WRN: variants seen among roughly 807,000 people sequenced by gnomAD.
The protein encoded by WRN is WRN RecQ like helicase.
Under a neutral mutation model 180.7 loss-of-function variants are expected in WRN, and 149 were observed. That is an observed-to-expected ratio of 0.82 (90% CI 0.72 to 0.94). The LOEUF is 0.94. WRN is among the 40% of genes least tolerant of loss of function. WRN has a pLI of 0.00. For synonymous variants in WRN, 548 were observed against 568.9 expected (o/e 0.96, Z 0.52); for missense variants, 1,661 against 1,700.1 (o/e 0.98, Z 0.40).
Position 31,147,408 on chromosome 8 carries a change from C to T in WRN, c.3504C>T (p.Ala1168=), listed in dbSNP as rs1212981610. The stretch of plus-strand genomic sequence containing the variant: ...TGGTAGAAGCTAGGCAGAAACATGC[C>T]AATAAAATGGATGTTCCCCCAGCTA... ...GKLVEARQKH[A]NKMDVPPAIL... The change falls in exon 30 of 35, where the codon GCC becomes GCT. Residue 1168 remains alanine, a synonymous_variant. Transcript: ENST00000298139. 1.2e-6 allele frequency: 2 copies of T among 1,613,964 alleles called. No individual in the cohort carries two copies. The highest frequency in any genetic ancestry group is 4.5e-5 in the East Asian group (2 of 44,836).
At chr8:31,084,264 G>T (rs1813436180) in intron 10 of WRN, among the ~76,000 whole-genome samples, 1 of 152,166 alleles carries the variant, frequency 6.6e-6, no homozygotes, top group Non-Finnish European at 1.5e-5. Flanking sequence ...CTCCCAAAGT[G>T]CTGGGATTAC....
chr8:31,091,981 T>C, intron 16 of WRN, 83 bp downstream of exon 16: 1 of 1,268,702 alleles, frequency 7.9e-7, no homozygotes, highest in Non-Finnish European at 1.1e-6. Context: ...AATTACATGT[T>C]GCTGAGGAAG....
At chr8:31,103,814 A>G (rs923610422) in intron 18 of WRN, among the ~76,000 whole-genome samples, 3 of 152,022 alleles carry the variant, frequency 2.0e-5, no homozygotes, top group Non-Finnish European at 2.9e-5. Flanking sequence ...GGCTCGCTGC[A>G]AGCTCCGCCT....
In WRN at chr8:31,174,742, T is replaced by C. The variant is rs114514633; in HGVS notation, c.*1640T>C. On this transcript the variant is annotated 3_prime_UTR_variant, in exon 35 of 35. Coordinates refer to ENST00000298139, the MANE Select transcript of WRN (RefSeq NM_000553.6). ...TTCCTTCCTTCCTCCTCCTCCTCCT[T>C]CTTCTTCCTCTTCCTCTTCTTCTTT... Among the ~76,000 whole-genome samples, 2,043 of 149,418 alleles carry C rather than the reference T, an allele frequency of 0.014. 30 individuals carry two copies. Among genetic ancestry groups the C allele is most frequent in the African/African-American group, 0.045 (1,823 of 40,700 alleles).
chr8:31,085,130 A>G (rs1005768232), intron 10 of WRN, 36 bp from the exon 11 acceptor site: 2 of 1,605,156 alleles, frequency 1.2e-6, no homozygotes, highest in African/African-American at 2.7e-5. Context: ...GAAGTCAATT[A>G]TATTGGAAAT....
rs530015250 is a variant in WRN, at chr8:31,166,727, A to G, written c.3983-295A>G. Among the ~76,000 whole-genome samples the G allele has an allele frequency of 2.6e-5, 4 of 152,274 alleles. No individual in the cohort carries two copies. The East Asian group carries it at 7.7e-4, about 29-fold the overall frequency. On this transcript the variant is annotated intron_variant, in intron 33 of 34. Transcript: ENST00000298139. Reference sequence around the variant, plus strand: ...AATTTCCTTTAGAACAATTCCACGAATGGTTGTTTTGATTCTCAAGGCAGC... The same window carrying G: ...AATTTCCTTTAGAACAATTCCACGAGTGGTTGTTTTGATTCTCAAGGCAGC...
At chr8:31,125,108 AAAC>A (rs1225532572) in intron 23 of WRN, 108 bp downstream of exon 23, 17 of 1,076,696 alleles carry the variant, frequency 1.6e-5, no homozygotes, top group Non-Finnish European at 2.3e-5. Context: ...TTTTTAAACA[AAAC>A]AATGAATGTG....
chr8:31,137,889 AG>A (rs1802461284), intron 24 of WRN, among the ~76,000 whole-genome samples: 2 of 152,148 alleles, frequency 1.3e-5, no homozygotes, highest in Admixed American at 6.5e-5. Flanking sequence ...TCTCAACCCC[AG>A]GAGTTCAAGA....
At chr8:31,043,881 A>C (rs1811747651) in intron 1 of WRN, among the ~76,000 whole-genome samples, 1 of 152,192 alleles carries the variant, frequency 6.6e-6, no homozygotes, top group African/African-American at 2.4e-5. Flanking sequence ...TGAGTCATTG[A>C]AGTACAGTAG....
At position 31,068,392 on chromosome 8, in the gene WRN, C is replaced by A. The variant is rs1364310145; in HGVS notation, c.724+65C>A. The A allele has an allele frequency of 9.9e-6, 13 of 1,318,328 alleles. No individual in the cohort carries two copies. In the Admixed American group the frequency reaches 1.9e-4, roughly 19 times the overall value. The allele number at this position is 1,318,328 out of a possible 1,614,324, so 81.7% of individuals were successfully genotyped here. On this transcript the variant is annotated intron_variant, in intron 7 of 34. Transcript: ENST00000298139. ...TTGTGAGGTTTATCTCCAAAAAAGGCAATATTCACATATTTGCAAAGCATT... is the reference window on the plus strand; with the variant it reads ...TTGTGAGGTTTATCTCCAAAAAAGGAAATATTCACATATTTGCAAAGCATT...
chr8:31,085,698 G>T (rs1424240691), intron 11 of WRN, among the ~76,000 whole-genome samples: 1 of 152,026 alleles, frequency 6.6e-6, no homozygotes, highest in Admixed American at 6.6e-5. Flanking sequence ...TTAAACTCCT[G>T]GGCTCAAGTG....
At chr8:31,075,839 A>G (rs1471560572) in intron 7 of WRN, among the ~76,000 whole-genome samples, 2 of 152,222 alleles carry the variant, frequency 1.3e-5, no homozygotes, top group Non-Finnish European at 2.9e-5. Flanking sequence ...GTAGCAGCAT[A>G]CATGGTGTTA....
rs200130502 is a variant in WRN at position 31,172,060 on chromosome 8, T to C, written c.4192-935T>C. Among the ~76,000 whole-genome samples, 6 of 152,340 alleles carry C rather than the reference T, an allele frequency of 3.9e-5. No homozygotes were observed. The East Asian group carries it at 5.8e-4, about 15-fold the overall frequency. ...GAGATAACATAAGTGTATGACACTT[T>C]AGGCTTATGAAACACTTAGCTACTT... is the stretch of plus-strand genomic sequence containing the variant. On this transcript the variant is annotated intron_variant, in intron 34 of 34. Coordinates refer to ENST00000298139, the MANE Select transcript of WRN (RefSeq NM_000553.6).
chr8:31,058,194 A>G (rs1410401160), intron 1 of WRN, among the ~76,000 whole-genome samples, 178 bp from the exon 2 acceptor site: 1 of 152,232 alleles, frequency 6.6e-6, no homozygotes, highest in Admixed American at 6.5e-5. Context: ...GTCAATTAAA[A>G]TGACTGATTT....
intron 19 of WRN, among the ~76,000 whole-genome samples, chr8:31,114,889 A>C (rs901987584): frequency 2.0e-5 from 3 of 149,982 alleles, no homozygotes; most frequent in Non-Finnish European, 4.4e-5. Flanking sequence ...TGTTTTTAAA[A>C]TAAGGTTTTT....
intron 30 of WRN, among the ~76,000 whole-genome samples, chr8:31,147,732 A>G (rs1312937987): frequency 6.6e-6 from 1 of 152,120 alleles, no homozygotes; most frequent in African/African-American, 2.4e-5. Flanking sequence ...CCTGCATTTT[A>G]TCCAAATGCC....
intron 17 of WRN, among the ~76,000 whole-genome samples, chr8:31,099,339 G>T (rs373607920): frequency 1.8e-3 from 271 of 151,644 alleles, no homozygotes; most frequent in South Asian, 2.9e-3. Flanking sequence ...GGGAGGCAGA[G>T]CTTGCAGTGA....
intron 23 of WRN, among the ~76,000 whole-genome samples, chr8:31,131,160 C>CTTTTTTTTTTG (rs71206302): frequency 9.4e-6 from 1 of 106,840 alleles, no homozygotes; most frequent in Non-Finnish European, 1.8e-5. Flanking sequence ...TTGCAACTTT[C>CTTTTTTTTTTG]TTTTTTTTTG....
In WRN at chr8:31,124,980, C is replaced by T. The variant is rs2130344745; in HGVS notation, c.2805C>T (p.Cys935=). 4.3e-6 allele frequency: 7 copies of T among 1,612,982 alleles called. No individual in the cohort carries two copies. Among genetic ancestry groups the T allele is most frequent in the South Asian group, 1.1e-5 (1 of 90,946 alleles). ...TGGGAATTATGGGAACTGAAAAATG[C>T]TGTGATAATTGCAGGTCCAGGTAAA... ...ASLGIMGTEK[C]CDNCRSRLDH... Residue 935 remains cysteine, a synonymous_variant, in exon 23 of 35, where the codon TGC becomes TGT. Coordinates refer to ENST00000298139, the MANE Select transcript of WRN (RefSeq NM_000553.6).
Sources: gnomAD v4.1 joint callset for allele counts (sites outside exome capture counted in the v4.1 genomes callset) on GRCh38, gnomAD v4.1.1 for gene constraint, MANE v1.5 for transcripts, NCBI Gene and HGNC (gene_info 2026-07-23, HGNC 2026-07-21) for gene names.